Variants in TTC23L observed in about 807,000 individuals in gnomAD.
TTC23L encodes the protein tetratricopeptide repeat protein 23-like.
TTC23L carries 42 observed loss-of-function variants against 48.1 expected under a neutral mutation model. The ratio of observed to expected loss-of-function variants is 0.87; its 90% CI spans 0.68 to 1.13. The LOEUF (loss-of-function observed/expected upper bound fraction) is 1.13, where lower values mean the gene tolerates loss of function less well. TTC23L is among the 50% of genes most tolerant of loss of function. The pLI, the probability that TTC23L is intolerant of heterozygous loss-of-function variation, is 0.00. For synonymous variants in TTC23L, 159 were observed against 157.2 expected (o/e 1.01, Z -0.09); for missense variants, 391 against 421.0 (o/e 0.93, Z 0.62).
intron 2 of TTC23L, among the ~76,000 whole-genome samples, chr5:34,842,504 G>T (rs1006979532): frequency 6.6e-6 from 1 of 152,136 alleles, no homozygotes; most frequent in Non-Finnish European, 1.5e-5. Context: ...TGGAAGAAGG[G>T]GTCAGGGGGC....
At chr5:34,915,028 AG>A in the TTC23L span, 6 of 865,906 alleles carry the variant, frequency 6.9e-6, no homozygotes, top group Non-Finnish European at 1.1e-5. Flanking sequence ...ACCTGCGCTG[AG>A]AGGTGGAAAG....
At chr5:34,840,615 C>A in intron 1 of TTC23L, 50 bp from the exon 2 acceptor site, 1 of 1,509,000 alleles carries the variant, frequency 6.6e-7, no homozygotes, top group Non-Finnish European at 9.2e-7. Flanking sequence ...GAAAATAGAA[C>A]AGACACCCAG....
chr5:34,895,030 T>G (rs190434457), intron 9 of TTC23L, among the ~76,000 whole-genome samples: 188 of 152,346 alleles, frequency 1.2e-3, no homozygotes, highest in African/African-American at 4.4e-3. Context: ...GATATTAGCA[T>G]GAGCTGTATT....
At chr5:34,855,507 C>T (rs183433832) in intron 4 of TTC23L, among the ~76,000 whole-genome samples, 360 of 152,232 alleles carry the variant, frequency 2.4e-3, no homozygotes, top group Admixed American at 4.9e-3. Flanking sequence ...AGTCTACGAA[C>T]GACAGATACA....
chr5:34,893,972 T>C (rs1449319048), intron 9 of TTC23L, among the ~76,000 whole-genome samples: 1 of 152,152 alleles, frequency 6.6e-6, no homozygotes, highest in Non-Finnish European at 1.5e-5. Context: ...TTTTAACCTA[T>C]CGTTTTTGTG....
intron 3 of TTC23L, among the ~76,000 whole-genome samples, chr5:34,847,247 C>T (rs1759280510): frequency 6.6e-6 from 1 of 152,142 alleles, no homozygotes; most frequent in Non-Finnish European, 1.5e-5. Context: ...TGGCCTGGAC[C>T]CATTAGTGAT....
the TTC23L span, chr5:34,914,970 AT>A: frequency 6.6e-7 from 1 of 1,505,668 alleles, no homozygotes; most frequent in Non-Finnish European, 9.1e-7. Context: ...ACCTGAAGGG[AT>A]TAGACAGTAA....
intron 9 of TTC23L, among the ~76,000 whole-genome samples, chr5:34,881,811 T>TG (rs1762243144): frequency 1.3e-5 from 2 of 151,100 alleles, no homozygotes; most frequent in Admixed American, 1.3e-4. Flanking sequence ...TTGCCCAGGC[T>TG]GGAATGCAGT....
chr5:34,882,902 C>T (rs1762323144), intron 9 of TTC23L, among the ~76,000 whole-genome samples: 2 of 152,022 alleles, frequency 1.3e-5, no homozygotes, highest in South Asian at 4.1e-4. Context: ...TAGCCAGGTG[C>T]AGTGGTGCAT....
chr5:34,854,736 A>G (rs1190029199), intron 4 of TTC23L, among the ~76,000 whole-genome samples: 2 of 152,224 alleles, frequency 1.3e-5, no homozygotes, highest in Non-Finnish European at 2.9e-5. Flanking sequence ...CTCAATAAAC[A>G]GTCATTCAGT....
chr5:34,850,426 A>G, intron 4 of TTC23L, 118 bp downstream of exon 4: 1 of 1,259,346 alleles, frequency 7.9e-7, no homozygotes, highest in Non-Finnish European at 1.1e-6. Flanking sequence ...TAGCTCACAC[A>G]TTATCAGGAA....
the TTC23L span, chr5:34,922,227 TGAA>T: frequency 5.1e-6 from 8 of 1,577,220 alleles, no homozygotes; most frequent in East Asian, 6.7e-5. Flanking sequence ...GTTTGTGAAA[TGAA>T]GAACTGTAAT....
chr5:34,840,056 T>C (rs1758484683), intron 1 of TTC23L, among the ~76,000 whole-genome samples: 1 of 152,180 alleles, frequency 6.6e-6, no homozygotes, highest in Admixed American at 6.5e-5. Flanking sequence ...CACAGCCGAC[T>C]ATATTTTGTA....
chr5:34,891,769 T>C (rs1316220620), intron 9 of TTC23L, among the ~76,000 whole-genome samples: 3 of 152,248 alleles, frequency 2.0e-5, no homozygotes, highest in Non-Finnish European at 4.4e-5. Context: ...ATGAATCTAA[T>C]TCTTCGGTAG....
chr5:34,850,415 C>A, intron 4 of TTC23L, 107 bp downstream of exon 4: 1 of 1,356,354 alleles, frequency 7.4e-7, no homozygotes. Context: ...CTTCTTGCCC[C>A]TAGCTCACAC....
chr5:34,873,706 GCTCTC>G (rs1004757272), intron 8 of TTC23L, among the ~76,000 whole-genome samples: 27 of 152,148 alleles, frequency 1.8e-4, no homozygotes, highest in African/African-American at 4.8e-4. Context: ...GGCTAAATGA[GCTCTC>G]CCCACATCCC....
At chr5:34,845,177 C>T (rs765548393) in intron 2 of TTC23L, among the ~76,000 whole-genome samples, 1 of 152,162 alleles carries the variant, frequency 6.6e-6, no homozygotes, top group Non-Finnish European at 1.5e-5. Context: ...CATTTAATCC[C>T]ATAACCTCAT....
the TTC23L span, chr5:34,905,864 G>C: frequency 6.6e-6 from 1 of 152,124 alleles, no homozygotes; most frequent in African/African-American, 2.4e-5. Flanking sequence ...TATAAAATAA[G>C]TACCTTGATG....
At chr5:34,898,731 C>T (rs969242919) in intron 10 of TTC23L, among the ~76,000 whole-genome samples, 1 of 152,048 alleles carries the variant, frequency 6.6e-6, no homozygotes, top group Non-Finnish European at 1.5e-5. Flanking sequence ...GCATAGAAAC[C>T]CCAAGTTCAT....
Sources: gnomAD v4.1 joint callset for allele counts (sites outside exome capture counted in the v4.1 genomes callset) on GRCh38, gnomAD v4.1.1 for gene constraint, MANE v1.5 for transcripts, NCBI Gene and HGNC (gene_info 2026-07-23, HGNC 2026-07-21) for gene names.